Variants in SCFD2 observed in about 807,000 individuals in gnomAD.
SCFD2 encodes the protein sec1 family domain-containing protein 2.
Under a neutral mutation model 58.9 loss-of-function variants are expected in SCFD2, and 54 were observed. The ratio of observed to expected loss-of-function variants is 0.92; its 90% CI spans 0.74 to 1.15. SCFD2 has a LOEUF of 1.15. Ranked by LOEUF, SCFD2 falls within the 50% of genes most tolerant of loss-of-function variation. The probability of loss-of-function intolerance (pLI) is 0.00; values close to 1 mark genes in which losing one functional copy is unlikely to be tolerated. For synonymous variants in SCFD2, 321 were observed against 335.9 expected (o/e 0.96, Z 0.49); for missense variants, 805 against 836.6 (o/e 0.96, Z 0.47).
intron 4 of SCFD2, among the ~76,000 whole-genome samples, chr4:53,155,989 C>T (rs754817878): frequency 1.2e-4 from 18 of 152,252 alleles, no homozygotes; most frequent in East Asian, 5.8e-4. Context: ...ATAAAGGCAG[C>T]GGCTCCAAAC....
intron 5 of SCFD2, among the ~76,000 whole-genome samples, chr4:53,036,837 T>A (rs1722774199): frequency 6.6e-6 from 1 of 152,170 alleles, no homozygotes; most frequent in East Asian, 1.9e-4. Flanking sequence ...AAACTTAAAT[T>A]ATAATAATAA....
At chr4:53,073,490 AC>A (rs1473605899) in intron 5 of SCFD2, among the ~76,000 whole-genome samples, 3 of 152,154 alleles carry the variant, frequency 2.0e-5, no homozygotes, top group Non-Finnish European at 4.4e-5. Flanking sequence ...AGTAAATACC[AC>A]CTGAATGTGG....
Position 53,325,446 on chromosome 4 carries a change from A to C in SCFD2, c.1008-11683T>G, listed in dbSNP as rs188078927. ...TAAAAAAGAAGAAAGATGAAGGAGT[A>C]AAAAATAGAAGAAAAGACACAGGAC... On this transcript the variant is annotated intron_variant, in intron 2 of 8. Coordinates refer to ENST00000401642, the MANE Select transcript of SCFD2 (RefSeq NM_152540.4). Among the ~76,000 whole-genome samples, 184 of 152,298 alleles carry C rather than the reference A, an allele frequency of 1.2e-3. No homozygotes were observed. In the Middle Eastern group the frequency reaches 0.014, roughly 11 times the overall value.
intron 1 of SCFD2, among the ~76,000 whole-genome samples, chr4:53,355,065 T>C (rs949441315): frequency 6.6e-6 from 1 of 152,252 alleles, no homozygotes; most frequent in African/African-American, 2.4e-5. Flanking sequence ...GTGGATTTTA[T>C]GTGTGTCAGT....
intron 5 of SCFD2, among the ~76,000 whole-genome samples, chr4:52,967,535 T>C (rs1227027156): frequency 6.6e-6 from 1 of 152,214 alleles, no homozygotes; most frequent in Non-Finnish European, 1.5e-5. Context: ...AGTAAACAAA[T>C]GGCAGTCTGA....
intron 4 of SCFD2, among the ~76,000 whole-genome samples, chr4:53,246,447 T>C (rs1730075645): frequency 6.6e-6 from 1 of 152,160 alleles, no homozygotes; most frequent in Admixed American, 6.5e-5. Context: ...CTTTAAACTA[T>C]ACTATAAGGC....
intron 5 of SCFD2, among the ~76,000 whole-genome samples, chr4:53,074,083 G>A (rs1252261570): frequency 1.3e-5 from 2 of 152,194 alleles, no homozygotes; most frequent in Non-Finnish European, 2.9e-5. Flanking sequence ...CAAGATTGGA[G>A]CCAATCCTCT....
intron 4 of SCFD2, among the ~76,000 whole-genome samples, chr4:53,180,234 T>G (rs1305015871): frequency 1.3e-5 from 2 of 152,088 alleles, no homozygotes; most frequent in Non-Finnish European, 2.9e-5. Flanking sequence ...ACTCCAAAAT[T>G]GACCACATAA....
chr4:53,017,764 C>A (rs1309261594), intron 5 of SCFD2, among the ~76,000 whole-genome samples: 7 of 152,260 alleles, frequency 4.6e-5, no homozygotes, highest in Non-Finnish European at 1.0e-4. Context: ...TGCCACCTCT[C>A]CTTCTCCTCC....
At chr4:53,096,277 C>T (rs1724630256) in intron 5 of SCFD2, among the ~76,000 whole-genome samples, 1 of 152,180 alleles carries the variant, frequency 6.6e-6, no homozygotes, top group Non-Finnish European at 1.5e-5. Context: ...GTTCTAGATC[C>T]TTGAGGAATC....
chr4:52,980,695 CTCT>C (rs1721357874), intron 5 of SCFD2, among the ~76,000 whole-genome samples: 1 of 152,172 alleles, frequency 6.6e-6, no homozygotes, highest in Non-Finnish European at 1.5e-5. Context: ...CTTCTGGTTT[CTCT>C]GCATACCAGA....
chr4:53,025,410 C>CA (rs762761958), intron 5 of SCFD2, among the ~76,000 whole-genome samples: 2 of 151,972 alleles, frequency 1.3e-5, no homozygotes, highest in Non-Finnish European at 2.9e-5. Flanking sequence ...ACTTCCAAAC[C>CA]AAAAAACACA....
At chr4:53,233,883 T>A (rs1356448763) in intron 4 of SCFD2, among the ~76,000 whole-genome samples, 2 of 151,934 alleles carry the variant, frequency 1.3e-5, no homozygotes, top group East Asian at 3.9e-4. Context: ...TACTGAGGAG[T>A]AAAACTCAAG....
At chr4:52,947,016 G>A (rs77024897) in intron 5 of SCFD2, among the ~76,000 whole-genome samples, 7,772 of 152,190 alleles carry the variant, frequency 0.051, 211 homozygotes, top group Middle Eastern at 0.068. Context: ...GCATGTGAGC[G>A]CTTTCATTCA....
chr4:53,098,294 C>T (rs931783879), intron 5 of SCFD2, among the ~76,000 whole-genome samples: 1 of 152,154 alleles, frequency 6.6e-6, no homozygotes, highest in Non-Finnish European at 1.5e-5. Flanking sequence ...AGGAATGGTA[C>T]CAGCTCCTCC....
In SCFD2 at chr4:53,012,836, G is replaced by GTGTGTGTGTTTT. The variant is rs1553914338; in HGVS notation, c.1562-91967_1562-91966insAAAACACACACA. On this transcript the variant is annotated intron_variant, in intron 5 of 8. Transcript: ENST00000401642. ...TTTCTGTGTGTGTGTGTGTGTGTGT[G>GTGTGTGTGTTTT]TTTTTTTTTAAGAGAGAGAAAGCTA... 2.1e-4 allele frequency among the ~76,000 whole-genome samples: 31 copies of GTGTGTGTGTTTT among 145,112 alleles called. No individual in the cohort carries two copies. In the South Asian group the frequency reaches 6.6e-3, roughly 31 times the overall value.
chr4:53,341,591 C>T (rs977172924), intron 2 of SCFD2, among the ~76,000 whole-genome samples: 4 of 152,126 alleles, frequency 2.6e-5, no homozygotes, highest in African/African-American at 9.7e-5. Context: ...CATTCAAATT[C>T]AGGAAATACA....
intron 4 of SCFD2, among the ~76,000 whole-genome samples, chr4:53,250,415 A>G (rs1226054966): frequency 6.6e-6 from 1 of 152,180 alleles, no homozygotes; most frequent in Non-Finnish European, 1.5e-5. Context: ...TAACAAGGAT[A>G]CCCAGGAATT....
At chr4:53,067,270 G>A (rs1362248024) in intron 5 of SCFD2, among the ~76,000 whole-genome samples, 3 of 151,946 alleles carry the variant, frequency 2.0e-5, no homozygotes, top group Non-Finnish European at 4.4e-5. Flanking sequence ...TGTAGTGCCT[G>A]TACTCATTTC....
Sources: allele counts gnomAD v4.1 joint callset (sites outside exome capture counted in the v4.1 genomes callset), GRCh38; gene constraint gnomAD v4.1.1; transcripts MANE v1.5; gene names NCBI Gene and HGNC (gene_info 2026-07-23, HGNC 2026-07-21).